Variants in FHIT observed in about 807,000 individuals in gnomAD.
The protein encoded by FHIT is bis(5'-adenosyl)-triphosphatase.
Under a neutral mutation model 17.9 loss-of-function variants are expected in FHIT, and 19 were observed. That is an observed-to-expected ratio of 1.06 (90% CI 0.74 to 1.56). The LOEUF is 1.56. Ranked by LOEUF, FHIT falls within the 40% of genes most tolerant of loss-of-function variation. The pLI, the probability that FHIT is intolerant of heterozygous loss-of-function variation, is 0.00. For missense variants in FHIT, 248 were observed against 189.2 expected (o/e 1.31, Z -1.82); for synonymous variants, 81 against 69.7 (o/e 1.16, Z -0.81).
intron 5 of FHIT, among the ~76,000 whole-genome samples, chr3:60,423,129 C>G (rs1255475277): frequency 6.6e-6 from 1 of 152,060 alleles, no homozygotes; most frequent in Non-Finnish European, 1.5e-5. Flanking sequence ...CATGGCAAAG[C>G]GAGGGACCAG....
intron 2 of FHIT, among the ~76,000 whole-genome samples, chr3:61,096,143 A>G (rs2035631080): frequency 6.6e-6 from 1 of 152,170 alleles, no homozygotes; most frequent in African/African-American, 2.4e-5. Flanking sequence ...ATCTTTCTCA[A>G]ACAAACTGCA....
chr3:60,566,208 C>T (rs537903137), intron 4 of FHIT, among the ~76,000 whole-genome samples: 3 of 151,952 alleles, frequency 2.0e-5, no homozygotes, highest in Non-Finnish European at 2.9e-5. Context: ...CAGTGCGGTG[C>T]GGTGCTGAGA....
At chr3:60,761,226 A>G (rs1370257163) in intron 4 of FHIT, among the ~76,000 whole-genome samples, 1 of 152,244 alleles carries the variant, frequency 6.6e-6, no homozygotes, top group Non-Finnish European at 1.5e-5. Flanking sequence ...TGGAAATTAT[A>G]CAACAAAGTG....
intron 5 of FHIT, among the ~76,000 whole-genome samples, chr3:60,263,538 CAAG>C (rs910993739): frequency 1.3e-5 from 2 of 151,852 alleles, no homozygotes; most frequent in African/African-American, 2.4e-5. Context: ...CATGCAGTAA[CAAG>C]AAGGAGAAAA....
At chr3:60,212,322 G>A (rs1367799623) in intron 5 of FHIT, among the ~76,000 whole-genome samples, 2 of 152,110 alleles carry the variant, frequency 1.3e-5, no homozygotes, top group Middle Eastern at 3.2e-3. Flanking sequence ...CAGCCAGGAC[G>A]CCAAGTGGTA....
intron 8 of FHIT, among the ~76,000 whole-genome samples, chr3:59,820,149 T>C (rs930262074): frequency 6.6e-6 from 1 of 152,242 alleles, no homozygotes; most frequent in Non-Finnish European, 1.5e-5. Context: ...AATGAATATA[T>C]ACCTTGCCTG....
intron 4 of FHIT, among the ~76,000 whole-genome samples, chr3:60,793,254 GT>G (rs1479385247): frequency 6.6e-6 from 1 of 151,874 alleles, no homozygotes; most frequent in Non-Finnish European, 1.5e-5. Flanking sequence ...AATGTCTTAA[GT>G]CTCAGAATAA....
chr3:60,156,799 AT>A (rs1398213737), intron 5 of FHIT, among the ~76,000 whole-genome samples: 1 of 152,166 alleles, frequency 6.6e-6, no homozygotes, highest in Non-Finnish European at 1.5e-5. Context: ...TATTTCAATA[AT>A]GCCAATCTAT....
chr3:60,378,644 A>C (rs1158517239), intron 5 of FHIT, among the ~76,000 whole-genome samples: 1 of 152,244 alleles, frequency 6.6e-6, no homozygotes, highest in African/African-American at 2.4e-5. Flanking sequence ...TTAACATGTC[A>C]AACTAATATG....
At chr3:60,966,349 T>G (rs1020214977) in intron 3 of FHIT, among the ~76,000 whole-genome samples, 7 of 152,254 alleles carry the variant, frequency 4.6e-5, no homozygotes, top group Non-Finnish European at 8.8e-5. Context: ...CGGCTTCTCT[T>G]GACTAGGAAA....
chr3:60,985,700 T>C (rs1199046235), intron 3 of FHIT, among the ~76,000 whole-genome samples: 1 of 152,236 alleles, frequency 6.6e-6, no homozygotes, highest in Non-Finnish European at 1.5e-5. Flanking sequence ...TAAATGTAAA[T>C]TATGGCCTGA....
chr3:61,157,111 T>C (rs996674126), intron 2 of FHIT, among the ~76,000 whole-genome samples: 3 of 152,164 alleles, frequency 2.0e-5, no homozygotes, highest in South Asian at 2.1e-4. Flanking sequence ...GAAAATACCA[T>C]ACGACAACAG....
At chr3:60,963,432 A>G (rs1709560859) in intron 3 of FHIT, among the ~76,000 whole-genome samples, 1 of 152,046 alleles carries the variant, frequency 6.6e-6, no homozygotes, top group Non-Finnish European at 1.5e-5. Flanking sequence ...TATCTCCTTC[A>G]GTTCTGCTCT....
chr3:61,015,205 G>C (rs1208276607), intron 3 of FHIT, among the ~76,000 whole-genome samples: 3 of 152,038 alleles, frequency 2.0e-5, no homozygotes, highest in African/African-American at 7.2e-5. Flanking sequence ...AGTTAGGGCA[G>C]ACAACCCCAG....
intron 4 of FHIT, among the ~76,000 whole-genome samples, chr3:60,817,373 C>G (rs192584049): frequency 2.3e-4 from 35 of 152,076 alleles, no homozygotes; most frequent in Non-Finnish European, 4.0e-4. Context: ...ACTTTATAGC[C>G]TGAACAATCT....
At chr3:60,614,789 T>G (rs1169809986) in intron 4 of FHIT, among the ~76,000 whole-genome samples, 2 of 150,772 alleles carry the variant, frequency 1.3e-5, no homozygotes, top group Non-Finnish European at 3.0e-5. Flanking sequence ...GCCATCGATT[T>G]GTAAAAAATT....
intron 5 of FHIT, among the ~76,000 whole-genome samples, chr3:60,317,525 A>G (rs1709217199): frequency 6.7e-6 from 1 of 150,126 alleles, no homozygotes; most frequent in African/African-American, 2.4e-5. Context: ...GATCCTCACA[A>G]AAGTGATGCT....
chr3:59,934,181 A>C (rs561212371), intron 7 of FHIT, among the ~76,000 whole-genome samples: 1 of 152,308 alleles, frequency 6.6e-6, no homozygotes, highest in South Asian at 2.1e-4. Context: ...GTAAGATCTC[A>C]ATTATTTATC....
At chr3:60,185,885 C>CAACT (rs1463349872) in intron 5 of FHIT, among the ~76,000 whole-genome samples, 2 of 152,298 alleles carry the variant, frequency 1.3e-5, no homozygotes, top group East Asian at 3.9e-4. Context: ...TACTAATTTG[C>CAACT]AACTCTCTAC....
Sources: allele counts gnomAD v4.1 joint callset (sites outside exome capture counted in the v4.1 genomes callset), GRCh38; gene constraint gnomAD v4.1.1; transcripts MANE v1.5; gene names NCBI Gene and HGNC (gene_info 2026-07-23, HGNC 2026-07-21).